The following LRRC53 variants were observed in gnomAD, a reference collection of about 807,000 sequenced individuals.
The protein encoded by LRRC53 is leucine rich repeat containing 53, also known as leucine-rich repeat-containing protein 53.
LRRC53 carries 25 observed loss-of-function variants against 13.6 expected under a neutral mutation model. The ratio of observed to expected loss-of-function variants is 1.83; its 90% confidence interval spans 1.34 to 2.56. LRRC53 has a LOEUF of 2.56. Among genes scored for constraint, LRRC53 ranks in the 30% most tolerant of loss-of-function variants. The pLI is 0.00. For missense variants in LRRC53, 527 were observed against 275.8 expected (o/e 1.91, Z -6.45); for synonymous variants, 204 against 109.8 (o/e 1.86, Z -5.37).
At chr1:74,495,444 T>TA (rs1415681120) in intron 1 of LRRC53, among the ~76,000 whole-genome samples, 3 of 152,194 alleles carry the variant, frequency 2.0e-5, no homozygotes, top group Admixed American at 6.5e-5. Flanking sequence ...AGATAAAGAA[T>TA]AAAAAATTGG....
At chr1:74,500,758 T>C (rs930543892) in intron 1 of LRRC53, among the ~76,000 whole-genome samples, 3 of 151,866 alleles carry the variant, frequency 2.0e-5, no homozygotes, top group African/African-American at 7.2e-5. Flanking sequence ...AATTGTTCAG[T>C]TACTTTTTTC....
At chr1:74,513,293 T>C (rs11210470), upstream of LRRC53, among the ~76,000 whole-genome samples, 14,530 of 152,258 alleles carry the variant, frequency 0.095, 1,586 homozygotes, top group African/African-American at 0.27. Flanking sequence ...ACTGAGTCCC[T>C]GTCCTTTCAT....
At chr1:74,487,036 G>A (rs556169256) in intron 1 of LRRC53, among the ~76,000 whole-genome samples, 42 of 152,214 alleles carry the variant, frequency 2.8e-4, no homozygotes, top group Non-Finnish European at 5.3e-4. Context: ...ATTAGAGACC[G>A]CAAATTTGGA....
chr1:74,530,819 T>C, the LRRC53 span, among the ~76,000 whole-genome samples: 1 of 151,986 alleles, frequency 6.6e-6, no homozygotes, highest in African/African-American at 2.4e-5. Flanking sequence ...AGTCAAGGCA[T>C]GCAAAGTCTG....
intron 1 of LRRC53, among the ~76,000 whole-genome samples, chr1:74,491,394 A>G (rs1376252053): frequency 6.6e-6 from 1 of 152,040 alleles, no homozygotes; most frequent in Non-Finnish European, 1.5e-5. Flanking sequence ...TAATTTTTGT[A>G]TTTTTATTAG....
At chr1:74,502,821 G>T (rs1242873709) in intron 1 of LRRC53, among the ~76,000 whole-genome samples, 1 of 152,116 alleles carries the variant, frequency 6.6e-6, no homozygotes, top group Non-Finnish European at 1.5e-5. Flanking sequence ...CACAGCTGCT[G>T]CCTCGTTCAC....
rs45518034 is a variant in LRRC53 at position 74,507,660 on chromosome 1, C to T, written c.-27+4866G>A. ...TGTTCTCCTTCACATTAGGATGGTTCACTGACACCAACAACATGGAGATGC... is the reference window on the plus strand; with the variant it reads ...TGTTCTCCTTCACATTAGGATGGTTTACTGACACCAACAACATGGAGATGC... On this transcript the variant is annotated intron_variant, in intron 1 of 4. Transcript: ENST00000294635. Among the ~76,000 whole-genome samples the T allele has an allele frequency of 8.2e-3, 1,253 of 152,216 alleles. 23 individuals carry two copies. Among genetic ancestry groups the T allele is most frequent in the African/African-American group, 0.029 (1,211 of 41,524 alleles).
At chr1:74,517,121 T>C (rs1646360634), upstream of LRRC53, among the ~76,000 whole-genome samples, 1 of 152,202 alleles carries the variant, frequency 6.6e-6, no homozygotes, top group African/African-American at 2.4e-5. Context: ...TTCATTATTA[T>C]GTATTACACA....
chr1:74,534,471 A>G, the LRRC53 span, among the ~76,000 whole-genome samples: 1 of 152,064 alleles, frequency 6.6e-6, no homozygotes, highest in African/African-American at 2.4e-5. Context: ...TACCAAAAAC[A>G]TTTGGCAGGC....
At chr1:74,495,101 T>C (rs969591262) in intron 1 of LRRC53, among the ~76,000 whole-genome samples, 1 of 152,198 alleles carries the variant, frequency 6.6e-6, no homozygotes, top group Non-Finnish European at 1.5e-5. Flanking sequence ...GATATTCTCA[T>C]AAAGTGTTTT....
At chr1:74,496,628 T>A (rs1669340972) in intron 1 of LRRC53, among the ~76,000 whole-genome samples, 1 of 152,130 alleles carries the variant, frequency 6.6e-6, no homozygotes, top group African/African-American at 2.4e-5. Context: ...TTATTCTTTA[T>A]AAATAAATTT....
In LRRC53 at chr1:74,480,975, G is replaced by A. The variant is rs1278303296; in HGVS notation, c.89-7C>T. On this transcript the variant is annotated splice_polypyrimidine_tract_variant and splice_region_variant and intron_variant, in intron 2 of 4. Coordinates refer to ENST00000294635, the MANE Select transcript of LRRC53 (RefSeq NM_001382280.1). Reference sequence around the variant, plus strand: ...CTCGTGGTCATAGGGGCTGCTGTGGGGAAAAAAGCACAGACTAGATGCAGG... The same window carrying A: ...CTCGTGGTCATAGGGGCTGCTGTGGAGAAAAAAGCACAGACTAGATGCAGG... The A allele has an allele frequency of 1.4e-6, 1 of 700,336 alleles. No individual in the cohort carries two copies. Among genetic ancestry groups the A allele is most frequent in the Non-Finnish European group, 2.7e-6 (1 of 377,028 alleles). The allele number at this position is 700,336 out of a possible 1,614,324, so 43.4% of individuals were successfully genotyped here. A position where few individuals can be genotyped will look rare whatever the true frequency, so the allele number is the denominator to read the frequency against.
At position 74,491,366 on chromosome 1, in the gene LRRC53, C is replaced by T. The variant is rs45530338; in HGVS notation, c.-26-7991G>A. Reference sequence around the variant, plus strand: ...TCCCCAGTAGCTGGGACTACAGGTGCGTGCCACCACTCCCAGCTAATTTTT... The same window carrying T: ...TCCCCAGTAGCTGGGACTACAGGTGTGTGCCACCACTCCCAGCTAATTTTT... On this transcript the variant is annotated intron_variant, in intron 1 of 4. Transcript: ENST00000294635. Among the ~76,000 whole-genome samples, 283 of 152,246 alleles carry T rather than the reference C, an allele frequency of 1.9e-3. 1 individual carries two copies. Among genetic ancestry groups the T allele is most frequent in the African/African-American group, 5.8e-3 (241 of 41,552 alleles).
At chr1:74,524,841 A>G in the LRRC53 span, among the ~76,000 whole-genome samples, 1,228 of 152,228 alleles carry the variant, frequency 8.1e-3, 27 homozygotes, top group African/African-American at 0.028. Context: ...GAGATTTACT[A>G]TGATTGAGAT....
At chr1:74,507,504 A>G (rs574057179) in intron 1 of LRRC53, among the ~76,000 whole-genome samples, 1 of 152,134 alleles carries the variant, frequency 6.6e-6, no homozygotes, top group Non-Finnish European at 1.5e-5. Context: ...TCATTTTTGC[A>G]TTGTTCATAT....
chr1:74,470,652 T>A lies in LRRC53; in HGVS notation c.2970A>T (p.Glu990Asp), dbSNP rs1340777216. ...AAAGTTTTTTTTCTACATCATTTTC[T>A]TCCTTATCCATAATACAATTTTCCA... ...QIVENCIMDK[E>D]ENDVEKKLSK... The change falls in exon 5 of 5, where the codon GAA becomes GAT. Residue 990 changes from glutamate to aspartate, a missense_variant. Physicochemically the swap from Glu to Asp is conservative, Grantham distance 45 (BLOSUM62 2). Transcript: ENST00000294635. The A allele has an allele frequency of 7.5e-6, 3 of 400,608 alleles. No homozygotes were observed. Among genetic ancestry groups the A allele is most frequent in the Non-Finnish European group, 1.3e-5 (3 of 226,202 alleles). 24.8% of individuals were successfully genotyped at this position (400,608 alleles called of 1,614,324 possible).
the LRRC53 span, among the ~76,000 whole-genome samples, chr1:74,523,926 C>G: frequency 8.3e-4 from 125 of 150,612 alleles, no homozygotes; most frequent in African/African-American, 3.0e-3. Flanking sequence ...CCTCCCCTTT[C>G]CCCCCACCCC....
At chr1:74,536,165 A>G in the LRRC53 span, among the ~76,000 whole-genome samples, 1 of 152,178 alleles carries the variant, frequency 6.6e-6, no homozygotes, top group South Asian at 2.1e-4. Context: ...ATTTGCATAT[A>G]TTATCTTCTA....
the LRRC53 span, among the ~76,000 whole-genome samples, chr1:74,520,484 C>T: frequency 6.6e-6 from 1 of 151,886 alleles, no homozygotes; most frequent in South Asian, 2.1e-4. Flanking sequence ...CCCATCCATC[C>T]ATCTGTTTCC....
Sources: allele counts gnomAD v4.1 joint callset (sites outside exome capture counted in the v4.1 genomes callset), GRCh38; gene constraint gnomAD v4.1.1; transcripts MANE v1.5; gene names NCBI Gene and HGNC (gene_info 2026-07-23, HGNC 2026-07-21).